YEATS2: variants seen among roughly 807,000 people sequenced by gnomAD.
The protein encoded by YEATS2 is YEATS domain-containing protein 2.
Under a neutral mutation model 163.2 loss-of-function variants are expected in YEATS2, and 77 were observed. That is an observed-to-expected ratio of 0.47 (90% CI 0.39 to 0.57). The LOEUF is 0.57. YEATS2 is among the 20% of genes least tolerant of loss of function. The pLI, the probability that YEATS2 is intolerant of heterozygous loss-of-function variation, is 0.00. For synonymous variants in YEATS2, 631 were observed against 645.1 expected (o/e 0.98, Z 0.33); for missense variants, 1,549 against 1,729.8 (o/e 0.90, Z 1.85).
In YEATS2 at chr3:183,756,666, T is replaced by C. The variant is rs1346488192; in HGVS notation, c.1529T>C (p.Ile510Thr). 1 of 1,588,910 alleles carries C rather than the reference T, an allele frequency of 6.3e-7. No homozygotes were observed. The highest frequency in any genetic ancestry group is 8.6e-7 in the Non-Finnish European group (1 of 1,167,580). ...ATGGACAAGCAGCCGGGGCAGGTGATTGGAGCCACCACTCCCAGTACAGGT... is the reference window on the plus strand; with the variant it reads ...ATGGACAAGCAGCCGGGGCAGGTGACTGGAGCCACCACTCCCAGTACAGGT... ...VIMDKQPGQV[I>T]GATTPSTGSP... The change falls in exon 12 of 31, where the codon ATT (isoleucine) becomes ACT (threonine). Residue 510 changes from isoleucine (I) to threonine (T), a missense_variant. By Grantham distance (89) the Ile-to-Thr change is moderately conservative (BLOSUM62 -1). Transcript: ENST00000305135.
intron 15 of YEATS2, among the ~76,000 whole-genome samples, chr3:183,769,838 A>G (rs1420046837): frequency 6.6e-6 from 1 of 151,748 alleles, no homozygotes; most frequent in Non-Finnish European, 1.5e-5. Context: ...GGTGCCCACC[A>G]CCACGCCCAG....
At chr3:183,771,718 A>ATTTTT (rs10592078) in intron 15 of YEATS2, among the ~76,000 whole-genome samples, 1 of 100,222 alleles carries the variant, frequency 1.0e-5, no homozygotes, top group Admixed American at 1.1e-4. Flanking sequence ...GTACTGGCTA[A>ATTTTT]TTTTTTTTTT....
intron 17 of YEATS2, among the ~76,000 whole-genome samples, chr3:183,774,890 T>C (rs1232419127): frequency 6.6e-6 from 1 of 152,160 alleles, no homozygotes; most frequent in Non-Finnish European, 1.5e-5. Flanking sequence ...AAAAGGACAA[T>C]GTAAATATTT....
chr3:183,803,851 C>A (rs549969500), intron 26 of YEATS2, 136 bp from the exon 27 acceptor site: 2 of 855,934 alleles, frequency 2.3e-6, no homozygotes, highest in Admixed American at 2.9e-5. Context: ...TGGGGAGTAA[C>A]ACAACCAGGT....
At chr3:183,768,399 T>TA (rs1403190519) in intron 15 of YEATS2, among the ~76,000 whole-genome samples, 1 of 152,028 alleles carries the variant, frequency 6.6e-6, no homozygotes, top group African/African-American at 2.4e-5. Flanking sequence ...GGCTGGGAAA[T>TA]AGAGTTGTGA....
chr3:183,767,295 G>C (rs1344303161), intron 15 of YEATS2, among the ~76,000 whole-genome samples: 1 of 151,912 alleles, frequency 6.6e-6, no homozygotes, highest in Non-Finnish European at 1.5e-5. Context: ...GTGCAGTCTT[G>C]ACTCACTGCA....
chr3:183,794,282 C>T (rs978287379), intron 21 of YEATS2, among the ~76,000 whole-genome samples: 1 of 152,134 alleles, frequency 6.6e-6, no homozygotes, highest in Non-Finnish European at 1.5e-5. Flanking sequence ...GAACTCTGGC[C>T]AGACAAGGAT....
intron 12 of YEATS2, among the ~76,000 whole-genome samples, chr3:183,757,989 G>A (rs527608467): frequency 7.7e-4 from 117 of 152,254 alleles, no homozygotes; most frequent in African/African-American, 2.6e-3. Flanking sequence ...TTGGGGTCTT[G>A]ACTTGTTGAC....
At position 183,810,207 on chromosome 3, in the gene YEATS2, G is replaced by A. The variant is rs558597898; in HGVS notation, c.4161-268G>A. On this transcript the variant is annotated intron_variant, in intron 30 of 30. Coordinates refer to ENST00000305135, the MANE Select transcript of YEATS2 (RefSeq NM_018023.5). The stretch of plus-strand genomic sequence containing the variant: ...GACTCACTCACAAATGTGTCATTCC[G>A]TTCTGCCATCCGCTTTGTTTTCTTT... 14 of 372,312 alleles carry A rather than the reference G, an allele frequency of 3.8e-5. No homozygotes were observed. The East Asian group carries it at 7.6e-4, about 20-fold the overall frequency. The allele number at this position is 372,312 out of a possible 1,614,324, so 23.1% of individuals were successfully genotyped here.
At chr3:183,701,395 T>C (rs1333174361) in intron 1 of YEATS2, among the ~76,000 whole-genome samples, 3 of 150,782 alleles carry the variant, frequency 2.0e-5, no homozygotes, top group Middle Eastern at 3.4e-3. Flanking sequence ...GGTCAATATA[T>C]ATATTTTTTG....
At position 183,799,621 on chromosome 3, in the gene YEATS2, CG is replaced by C. The variant is rs1725471576; in HGVS notation, c.3325+634del. On this transcript the variant is annotated intron_variant, in intron 23 of 30. Coordinates refer to ENST00000305135, the MANE Select transcript of YEATS2 (RefSeq NM_018023.5). ...CCCACAAGAGTAGATCAGGATAGCA[CG>C]GTGGATTAGAGCAACACGTGTGACA... Among the ~76,000 whole-genome samples the C allele has an allele frequency of 5.9e-5, 9 of 152,180 alleles. No homozygotes were observed. In the South Asian group the frequency reaches 1.9e-3, roughly 32 times the overall value.
At chr3:183,746,641 T>C (rs985813904) in intron 8 of YEATS2, among the ~76,000 whole-genome samples, 4 of 148,674 alleles carry the variant, frequency 2.7e-5, no homozygotes, top group Non-Finnish European at 4.4e-5. Context: ...TGAAAATGGA[T>C]GTAACCTAAA....
At chr3:183,722,278 C>CTTTTTTTTTTTTTTTTTTTTTTTTTTTTT (rs200048624) in intron 5 of YEATS2, 142 bp downstream of exon 5, 1 of 289,402 alleles carries the variant, frequency 3.5e-6, no homozygotes, top group African/African-American at 4.6e-5. Flanking sequence ...GAAACCAAAT[C>CTTTTTTTTTTTTTTTTTTTTTTTTTTTTT]TTTTTTTTTT....
At chr3:183,744,305 C>T (rs1178677165) in intron 8 of YEATS2, among the ~76,000 whole-genome samples, 8 of 151,356 alleles carry the variant, frequency 5.3e-5, no homozygotes, top group Non-Finnish European at 7.4e-5. Context: ...TTAGTAGAGA[C>T]GGGGTTTCAT....
At chr3:183,775,135 G>A (rs1289187649) in intron 17 of YEATS2, among the ~76,000 whole-genome samples, 1 of 152,152 alleles carries the variant, frequency 6.6e-6, no homozygotes, top group African/African-American at 2.4e-5. Context: ...AAAGAAGAAT[G>A]GGGTCCTGGA....
intron 1 of YEATS2, among the ~76,000 whole-genome samples, chr3:183,706,142 G>A (rs190485250): frequency 7.9e-5 from 12 of 152,148 alleles, no homozygotes; most frequent in Admixed American, 4.6e-4. Context: ...GATGGGGCAC[G>A]GTCAAGGAAG....
intron 14 of YEATS2, 56 bp from the exon 15 acceptor site, chr3:183,762,041 T>C (rs200964164): frequency 4.7e-5 from 75 of 1,610,476 alleles, no homozygotes; most frequent in Non-Finnish European, 6.2e-5. Flanking sequence ...TATTAGCAGC[T>C]TTATAAAATG....
chr3:183,714,909 A>G (rs546979797), intron 1 of YEATS2, among the ~76,000 whole-genome samples: 1 of 148,494 alleles, frequency 6.7e-6, no homozygotes, highest in Admixed American at 6.7e-5. Context: ...GATGATTATG[A>G]TTTCTTTTTT....
intron 6 of YEATS2, 23 bp from the exon 7 acceptor site, chr3:183,728,667 G>T (rs189240224): frequency 1.3e-6 from 2 of 1,523,586 alleles, no homozygotes; most frequent in Non-Finnish European, 8.8e-7. Flanking sequence ...AAGAATTCAG[G>T]TTTCTTTTTT....
Sources: allele counts gnomAD v4.1 joint callset (sites outside exome capture counted in the v4.1 genomes callset), GRCh38; gene constraint gnomAD v4.1.1; transcripts MANE v1.5; gene names NCBI Gene and HGNC (gene_info 2026-07-23, HGNC 2026-07-21).